Variants in MARCHF5 observed in about 807,000 individuals in gnomAD.
The protein encoded by MARCHF5 is E3 ubiquitin-protein ligase MARCHF5.
A neutral mutation model predicts 36.5 loss-of-function variants in MARCHF5; 5 were observed. The observed-to-expected ratio is 0.14, with a 90% CI of 0.07 to 0.29. MARCHF5 has a LOEUF of 0.29. Ranked by LOEUF, MARCHF5 falls within the 10% of genes least tolerant of loss-of-function variation. The pLI, the probability that MARCHF5 is intolerant of heterozygous loss-of-function variation, is 1.00. For missense variants in MARCHF5, 179 were observed against 336.3 expected (o/e 0.53, Z 3.66); for synonymous variants, 103 against 109.9 (o/e 0.94, Z 0.39).
intron 2 of MARCHF5, among the ~76,000 whole-genome samples, chr10:92,332,958 A>T (rs957699360): frequency 6.6e-6 from 1 of 151,932 alleles, no homozygotes; most frequent in Non-Finnish European, 1.5e-5. Flanking sequence ...TGAGGTCAGG[A>T]GTTCGAGATC....
intron 1 of MARCHF5, among the ~76,000 whole-genome samples, chr10:92,304,912 A>G (rs1295046829): frequency 6.6e-6 from 1 of 152,174 alleles, no homozygotes; most frequent in Non-Finnish European, 1.5e-5. Context: ...AACCCAGACA[A>G]TCTGGCTCCA....
At position 92,322,244 on chromosome 10, in the gene MARCHF5, CAAAAA is replaced by C. The variant is rs56391697; in HGVS notation, c.238+10931_238+10935del. Among the ~76,000 whole-genome samples the C allele has an allele frequency of 6.7e-3, 186 of 27,712 alleles. 1 individual carries two copies. Among genetic ancestry groups the C allele is most frequent in the African/African-American group, 0.022 (176 of 7,894 alleles). The allele number at this position is 27,712 out of a possible 152,430, so 18.2% of individuals were successfully genotyped here. ...GGGCAACAAGAGCGAAACTCCGTCT[CAAAAA>C]AAAAAAAAAAAAAAAAAAAAAAAGA... On this transcript the variant is annotated intron_variant, in intron 2 of 5. Coordinates refer to ENST00000358935, the MANE Select transcript of MARCHF5 (RefSeq NM_017824.5).
chr10:92,306,864 A>C (rs543854421), intron 1 of MARCHF5, among the ~76,000 whole-genome samples: 1 of 152,224 alleles, frequency 6.6e-6, no homozygotes, highest in South Asian at 2.1e-4. Context: ...AAATACAAAA[A>C]TGAGCCAGGC....
chr10:92,312,974 G>A (rs1161632370), intron 2 of MARCHF5, among the ~76,000 whole-genome samples: 1 of 152,130 alleles, frequency 6.6e-6, no homozygotes, highest in African/African-American at 2.4e-5. Context: ...GGCGGCTCAC[G>A]CCTGTAATCC....
At position 92,340,724 on chromosome 10, in the gene MARCHF5, G is replaced by C. The variant is rs1292256437; in HGVS notation, c.290G>C (p.Cys97Ser). 1 of 1,613,786 alleles carries C rather than the reference G, an allele frequency of 6.2e-7. No homozygotes were observed. Among genetic ancestry groups the C allele is most frequent in the Non-Finnish European group, 8.5e-7 (1 of 1,179,842 alleles). Residue 97 changes from cysteine (C) to serine (S), a missense_variant, in exon 3 of 6, where the codon TGT becomes TCT. This residue lies in a region of MARCHF5 where 66 missense variants were observed against 180.5 expected (regional missense o/e 0.37). Transcript: ENST00000358935. Reference protein sequence around the residue: ...DLADRLISKACPFAAAGIMVG... With the variant: ...DLADRLISKASPFAAAGIMVG... ...GCAGATAGACTGATCTCAAAAGCCT[G>C]TCCATTTGCTGCAGCAGGAATAATG...
intron 3 of MARCHF5, among the ~76,000 whole-genome samples, chr10:92,348,919 G>C (rs368742335): frequency 6.6e-6 from 1 of 152,172 alleles, no homozygotes; most frequent in Non-Finnish European, 1.5e-5. Flanking sequence ...CTTGAAGGCC[G>C]GTCCTACCTC....
intron 3 of MARCHF5, among the ~76,000 whole-genome samples, chr10:92,346,166 T>C (rs10748580): frequency 0.66 from 100,791 of 152,124 alleles, 34,792 homozygotes; most frequent in African/African-American, 0.85. Flanking sequence ...AAATCAGGCC[T>C]ATTGCTTAAT....
chr10:92,322,948 G>C (rs1843309402), intron 2 of MARCHF5, among the ~76,000 whole-genome samples: 2 of 151,964 alleles, frequency 1.3e-5, no homozygotes, highest in South Asian at 2.1e-4. Flanking sequence ...ATGTTGGCCA[G>C]GATGGTCTTG....
At chr10:92,301,625 C>T (rs1843013267) in intron 1 of MARCHF5, among the ~76,000 whole-genome samples, 2 of 152,152 alleles carry the variant, frequency 1.3e-5, no homozygotes, top group Admixed American at 6.5e-5. Context: ...GCTCAGTATT[C>T]GTGGGGAATT....
chr10:92,328,907 T>C (rs143157328), intron 2 of MARCHF5, among the ~76,000 whole-genome samples: 18 of 151,660 alleles, frequency 1.2e-4, no homozygotes, highest in Admixed American at 2.0e-4. Context: ...TGTGTAGTTG[T>C]TCTTTTTATG....
chr10:92,302,814 G>T (rs1191190749), intron 1 of MARCHF5, among the ~76,000 whole-genome samples: 4 of 152,124 alleles, frequency 2.6e-5, no homozygotes, highest in Admixed American at 1.3e-4. Context: ...CTCCAAACTT[G>T]TTCTAAATTG....
chr10:92,303,180 C>G (rs965604637), intron 1 of MARCHF5, among the ~76,000 whole-genome samples: 1 of 152,090 alleles, frequency 6.6e-6, no homozygotes, highest in African/African-American at 2.4e-5. Context: ...AAATAATTAA[C>G]CTGTTTGATC....
intron 3 of MARCHF5, among the ~76,000 whole-genome samples, chr10:92,347,390 C>T (rs941491134): frequency 5.9e-5 from 9 of 151,868 alleles, no homozygotes; most frequent in Non-Finnish European, 1.3e-4. Flanking sequence ...GAGGTTGAGG[C>T]AGAAGAATAG....
rs545156316 is a variant in MARCHF5 at position 92,324,090 on chromosome 10, T to G, written c.238+12753T>G. Among the ~76,000 whole-genome samples the G allele has an allele frequency of 7.7e-4, 118 of 152,374 alleles. 2 individuals carry two copies. Among genetic ancestry groups the G allele is most frequent in the African/African-American group, 2.8e-3 (116 of 41,594 alleles). ...GTGTTTTTGATTTGGGTCATTCTGA[T>G]AGATGTATAGAGGTATCTCATTTTA... On this transcript the variant is annotated intron_variant, in intron 2 of 5. Transcript: ENST00000358935.
intron 3 of MARCHF5, among the ~76,000 whole-genome samples, chr10:92,345,248 T>C (rs775844794): frequency 6.6e-6 from 1 of 151,924 alleles, no homozygotes; most frequent in Non-Finnish European, 1.5e-5. Context: ...CTGTAGCTCA[T>C]GCCTGTAATC....
rs185974458 is a variant in MARCHF5, at chr10:92,323,554, T to C, written c.238+12217T>C. Among the ~76,000 whole-genome samples, 35 of 152,340 alleles carry C rather than the reference T, an allele frequency of 2.3e-4. No homozygotes were observed. In the East Asian group the frequency reaches 4.6e-3, roughly 20 times the overall value. On this transcript the variant is annotated intron_variant, in intron 2 of 5. Coordinates refer to ENST00000358935, the MANE Select transcript of MARCHF5 (RefSeq NM_017824.5). ...AATAGTTTCACTGACCTAAAAATCC[T>C]CTATGCTCCATCTGTTCATCCCTCC...
Position 92,349,739 on chromosome 10 carries a change from C to T in MARCHF5, c.622C>T (p.Arg208Ter), listed in dbSNP as rs911621736. 1 of 1,614,022 alleles carries T rather than the reference C, an allele frequency of 6.2e-7. No individual in the cohort carries two copies. Among genetic ancestry groups the T allele is most frequent in the Non-Finnish European group, 8.5e-7 (1 of 1,179,910 alleles). ...TTTAGCAGATCATGTCTCTGCTACT[C>T]GAATCTTGTGTGGAGCCCTTGTCTT... Reference protein sequence around the residue: ...NPLADHVSATRILCGALVFPT... With the variant: ...NPLADHVSAT The change falls in exon 5 of 6, where the codon CGA becomes TGA. Residue 208 changes from arginine to a stop codon, truncating the protein, a stop_gained. Coordinates refer to ENST00000358935, the MANE Select transcript of MARCHF5 (RefSeq NM_017824.5). LOFTEE classifies it high-confidence loss of function.
intron 2 of MARCHF5, among the ~76,000 whole-genome samples, chr10:92,338,458 CTATT>C (rs1843531248): frequency 3.3e-5 from 5 of 152,172 alleles, no homozygotes; most frequent in African/African-American, 9.7e-5. Context: ...GAAATGCTAA[CTATT>C]TATTAGAGGA....
At chr10:92,307,928 T>C (rs187278915) in intron 1 of MARCHF5, among the ~76,000 whole-genome samples, 34 of 151,436 alleles carry the variant, frequency 2.2e-4, no homozygotes, top group African/African-American at 8.2e-4. Context: ...AGGAGAGGAT[T>C]ATTTATGCTT....
Sources: gnomAD v4.1 joint callset for allele counts (sites outside exome capture counted in the v4.1 genomes callset) on GRCh38, gnomAD v4.1.1 for gene constraint, gnomAD v4.1.1 regional missense constraint, MANE v1.5 for transcripts, NCBI Gene and HGNC (gene_info 2026-07-23, HGNC 2026-07-21) for gene names.